Variants in LRP6 observed in about 807,000 individuals in gnomAD.
LRP6 encodes low-density lipoprotein receptor-related protein 6.
A neutral mutation model predicts 184.1 loss-of-function variants in LRP6; 43 were observed. The ratio of observed to expected loss-of-function variants is 0.23; its 90% CI spans 0.18 to 0.30. LRP6 has a LOEUF of 0.30. LRP6 is among the 10% of genes least tolerant of loss of function. The pLI is 1.00. For missense variants in LRP6, 1,571 were observed against 2,005.3 expected, an observed-to-expected ratio of 0.78 and a Z score of 4.14; for synonymous variants, 719 against 684.9, an observed-to-expected ratio of 1.05 and a Z score of -0.78.
At chr12:12,165,357 A>G (rs1862852089) in intron 7 of LRP6, 62 bp from the exon 8 acceptor site, 1 of 1,115,748 alleles carries the variant, frequency 9.0e-7, no homozygotes, top group Admixed American at 1.7e-5. Flanking sequence ...AGCTAAAAAT[A>G]ACAAATCCAA....
chr12:12,193,047 T>G (rs1392004751), intron 3 of LRP6, among the ~76,000 whole-genome samples: 2 of 152,170 alleles, frequency 1.3e-5, no homozygotes, highest in East Asian at 3.9e-4. Flanking sequence ...AATAGACTAC[T>G]ATCTGACCAT....
intron 3 of LRP6, among the ~76,000 whole-genome samples, chr12:12,188,648 A>G (rs1863538841): frequency 6.6e-6 from 1 of 152,204 alleles, no homozygotes; most frequent in Non-Finnish European, 1.5e-5. Context: ...CTGCCAACCC[A>G]TATCACCAGT....
In LRP6 at chr12:12,164,455, T is replaced by C. The variant is rs146407496; in HGVS notation, c.1870A>G (p.Met624Val). 1.3e-4 allele frequency: 211 copies of C among 1,614,160 alleles called. 1 individual carries two copies. In the African/African-American group the frequency reaches 2.5e-3, roughly 19 times the overall value. The change falls in exon 9 of 23, where the codon ATG (methionine) becomes GTG (valine). Residue 624 changes from methionine (M) to valine (V), a missense_variant. By Grantham distance (21) the Met-to-Val change is conservative (BLOSUM62 1). Coordinates refer to ENST00000261349, the MANE Select transcript of LRP6 (RefSeq NM_002336.3). ...CPIGFELISDMKTCIVPEAFL... is the reference protein window; with the variant it reads ...CPIGFELISDVKTCIVPEAFL... ...GCCTCTGGGACAATGCAGGTCTTCA[T>C]GTCACTGATGAGTTCAAAGCCAATA...
intron 7 of LRP6, among the ~76,000 whole-genome samples, chr12:12,178,129 C>A (rs1863242419): frequency 6.6e-6 from 1 of 151,906 alleles, no homozygotes; most frequent in Non-Finnish European, 1.5e-5. Context: ...GAAAATAAAT[C>A]CTATTTAATC....
intron 6 of LRP6, 126 bp downstream of exon 6, chr12:12,180,917 A>T: frequency 1.0e-6 from 1 of 978,350 alleles, no homozygotes; most frequent in Non-Finnish European, 1.6e-6. Context: ...ATCCTAAAAT[A>T]GACAGCCATT....
chr12:12,213,750 C>T (rs1356272193), intron 2 of LRP6, among the ~76,000 whole-genome samples: 1 of 151,922 alleles, frequency 6.6e-6, no homozygotes, highest in Non-Finnish European at 1.5e-5. Context: ...TCTTGATTCC[C>T]ACTCCTTTTA....
At chr12:12,164,651 G>T in intron 8 of LRP6, 89 bp from the exon 9 acceptor site, 1 of 1,232,712 alleles carries the variant, frequency 8.1e-7, no homozygotes, top group Non-Finnish European at 1.2e-6. Context: ...TAAGCGTTTG[G>T]TTCACAAATG....
At position 12,267,031 on chromosome 12, in the gene LRP6, C is replaced by T. The variant is rs1865793427; in HGVS notation, c.-296G>A. The T allele has an allele frequency of 6.5e-6, 3 of 462,026 alleles. No individual in the cohort carries two copies. The highest frequency in any genetic ancestry group is 7.6e-6 in the Non-Finnish European group (2 of 261,616). The allele number at this position is 462,026 out of a possible 1,614,324, so 28.6% of individuals were successfully genotyped here. On this transcript the variant is annotated 5_prime_UTR_variant, in exon 1 of 23. Transcript: ENST00000261349. ...CTCATTCAGCCTCTGCCTCGCGCAG[C>T]GGCGCAGGGATACGGTCGGCACCGC...
intron 15 of LRP6, among the ~76,000 whole-genome samples, chr12:12,145,255 C>CTTAA (rs1179487617): frequency 6.6e-6 from 1 of 151,308 alleles, no homozygotes; most frequent in Non-Finnish European, 1.5e-5. Context: ...ACTATACATG[C>CTTAA]GTAAGTGTGT....
chr12:12,209,785 G>A (rs1287343646), intron 2 of LRP6, among the ~76,000 whole-genome samples: 1 of 152,114 alleles, frequency 6.6e-6, no homozygotes, highest in Non-Finnish European at 1.5e-5. Flanking sequence ...CTGATACAGG[G>A]AATATGAAAA....
intron 2 of LRP6, among the ~76,000 whole-genome samples, chr12:12,205,328 AC>A (rs369630577): frequency 0.047 from 5,141 of 109,190 alleles, 181 homozygotes; most frequent in Middle Eastern, 0.15. Context: ...TCTCAAACAA[AC>A]AAAAAAAAAA....
intron 3 of LRP6, 61 bp downstream of exon 3, chr12:12,203,142 G>T (rs1863960713): frequency 8.5e-7 from 1 of 1,181,438 alleles, no homozygotes; most frequent in African/African-American, 1.5e-5. Context: ...ATTAGGCTTT[G>T]TAATGTATCA....
At chr12:12,139,028 A>C (rs893375083) in intron 15 of LRP6, 100 of 1,292,898 alleles carry the variant, frequency 7.7e-5, no homozygotes, top group Non-Finnish European at 1.7e-5. Context: ...CCAGACTCTG[A>C]GGAGGCAACT....
intron 1 of LRP6, among the ~76,000 whole-genome samples, chr12:12,261,423 A>C (rs1389091547): frequency 6.6e-6 from 1 of 151,360 alleles, no homozygotes; most frequent in East Asian, 1.9e-4. Flanking sequence ...AAAAAAATTG[A>C]ACCACAGGAA....
At position 12,158,848 on chromosome 12, in the gene LRP6, A is replaced by G; in HGVS notation, c.2772T>C (p.Ala924=). The part of the protein sequence containing the change: ...CGCPAHYSLN[A]DNRTCSAPTT... ...GCTTACCACTACAAGTCCTGTTGTC[A>G]GCATTAAGAGAGTAGTGGGCAGGGC... Residue 924 remains alanine (A), a synonymous_variant, in exon 12 of 23, where the codon GCT becomes GCC. Transcript: ENST00000261349. The G allele has an allele frequency of 1.2e-6, 2 of 1,614,210 alleles. No individual in the cohort carries two copies. The highest frequency in any genetic ancestry group is 1.7e-6 in the Non-Finnish European group (2 of 1,180,020).
In LRP6 at chr12:12,125,424, G is replaced by C. The variant is rs1949660056; in HGVS notation, c.4321C>G (p.Arg1441Gly). 5 of 1,613,602 alleles carry C rather than the reference G, an allele frequency of 3.1e-6. No individual in the cohort carries two copies. Among genetic ancestry groups the C allele is most frequent in the Non-Finnish European group, 8.5e-7 (1 of 1,179,834 alleles). ...SLSGSLPGMS[R>G]GKSMISSLSI... The stretch of plus-strand genomic sequence containing the variant: ...AGGGAGCTGATCATTGATTTACCTC[G>C]AGACATTCCTAAAATAAAAGGAGGT... The change falls in exon 21 of 23, where the codon CGA (arginine) becomes GGA (glycine). Residue 1441 changes from arginine (R) to glycine (G), a missense_variant. By Grantham distance (125) the Arg-to-Gly change is moderately radical. Coordinates refer to ENST00000261349, the MANE Select transcript of LRP6 (RefSeq NM_002336.3).
At chr12:12,216,014 AAATAAT>A (rs1029176316) in intron 2 of LRP6, among the ~76,000 whole-genome samples, 1 of 152,056 alleles carries the variant, frequency 6.6e-6, no homozygotes, top group South Asian at 2.1e-4. Context: ...CTGCCTCAAA[AAATAAT>A]AATAATAATG....
intron 2 of LRP6, among the ~76,000 whole-genome samples, chr12:12,222,966 A>C (rs1315133920): frequency 6.6e-6 from 1 of 152,204 alleles, no homozygotes; most frequent in East Asian, 1.9e-4. Flanking sequence ...CCACCAATTA[A>C]ATCTCAATTA....
intron 1 of LRP6, among the ~76,000 whole-genome samples, chr12:12,259,151 T>C (rs148742507): frequency 1.3e-5 from 2 of 151,062 alleles, no homozygotes; most frequent in East Asian, 2.0e-4. Flanking sequence ...TAATCCCAGC[T>C]ACTTGGGAGG....
Sources: gnomAD v4.1 joint callset for allele counts (sites outside exome capture counted in the v4.1 genomes callset) on GRCh38, gnomAD v4.1.1 for gene constraint, MANE v1.5 for transcripts, NCBI Gene and HGNC (gene_info 2026-07-23, HGNC 2026-07-21) for gene names.